Variants in SELENOF observed in about 807,000 individuals in gnomAD.
SELENOF encodes the protein selenoprotein F.
Under a neutral mutation model 20.5 loss-of-function variants are expected in SELENOF, and 16 were observed. The observed-to-expected ratio is 0.78, with a 90% CI of 0.53 to 1.19. SELENOF has a LOEUF of 1.19. Ranked by LOEUF, SELENOF falls within the 50% of genes most tolerant of loss-of-function variation. SELENOF has a pLI of 0.00. For synonymous variants in SELENOF, 78 were observed against 74.5 expected (o/e 1.05, Z -0.24); for missense variants, 215 against 194.2 (o/e 1.11, Z -0.64).
chr1:86,868,132 G>C (rs575459287), intron 3 of SELENOF, 30 bp from the exon 4 acceptor site: 2 of 1,134,572 alleles, frequency 1.8e-6, no homozygotes, highest in Admixed American at 4.5e-5. Flanking sequence ...AGATTCAGTA[G>C]TTCACTTCCA....
At chr1:86,908,085 TGA>T (rs1476753422) in intron 1 of SELENOF, among the ~76,000 whole-genome samples, 3 of 152,120 alleles carry the variant, frequency 2.0e-5, no homozygotes, top group Admixed American at 1.3e-4. Context: ...TCCTTCTAGA[TGA>T]GAGAGTTGGC....
At chr1:86,880,511 C>T in intron 3 of SELENOF, 151 bp downstream of exon 3, 1 of 492,822 alleles carries the variant, frequency 2.0e-6, no homozygotes, top group Non-Finnish European at 3.6e-6. Flanking sequence ...TAACAAACCA[C>T]TTCCATGAAA....
At chr1:86,898,633 G>A (rs1165030241) in intron 2 of SELENOF, among the ~76,000 whole-genome samples, 2 of 145,922 alleles carry the variant, frequency 1.4e-5, no homozygotes, top group East Asian at 4.0e-4. Context: ...CCAGGTTGGA[G>A]TGCAGTGGTG....
At chr1:86,905,169 A>G (rs1570406650) in intron 1 of SELENOF, among the ~76,000 whole-genome samples, 1 of 152,288 alleles carries the variant, frequency 6.6e-6, no homozygotes, top group East Asian at 1.9e-4. Context: ...TACACTCCAT[A>G]TTCTTCACCA....
chr1:86,869,833 G>A (rs955996429), intron 3 of SELENOF, among the ~76,000 whole-genome samples: 1 of 151,898 alleles, frequency 6.6e-6, no homozygotes, highest in Non-Finnish European at 1.5e-5. Flanking sequence ...GGAGTGCAGT[G>A]GCGCAATCTC....
intron 1 of SELENOF, among the ~76,000 whole-genome samples, chr1:86,904,154 T>G (rs1171972472): frequency 6.6e-6 from 1 of 152,176 alleles, no homozygotes. Flanking sequence ...TAAGATTAGC[T>G]GTAGGGTTTA....
intron 3 of SELENOF, among the ~76,000 whole-genome samples, chr1:86,879,228 A>C (rs1375209946): frequency 6.6e-6 from 1 of 152,196 alleles, no homozygotes; most frequent in African/African-American, 2.4e-5. Flanking sequence ...GAATGCTCAC[A>C]CTATCATTCA....
In SELENOF at chr1:86,914,099, C is replaced by T. The variant is rs1398589325; in HGVS notation, c.13G>A (p.Ala5Thr). The T allele has an allele frequency of 1.2e-6, 2 of 1,613,902 alleles. No individual in the cohort carries two copies. Among genetic ancestry groups the T allele is most frequent in the Non-Finnish European group, 8.5e-7 (1 of 1,179,908 alleles). Residue 5 changes from alanine to threonine, a missense_variant, in exon 1 of 5, where the codon GCG (alanine) becomes ACG (threonine). Physicochemically the swap from Ala to Thr is moderately conservative, Grantham distance 58. Transcript: ENST00000331835. ...ACCAGACACCCACTCGGCCCAGCCG[C>T]CATCGCTACCATTTTCCGCAGGTTT... MVAM[A>T]AGPSGCLVPA...
At chr1:86,913,856 G>A in intron 1 of SELENOF, 172 bp downstream of exon 1, 1 of 622,672 alleles carries the variant, frequency 1.6e-6, no homozygotes, top group African/African-American at 1.8e-5. Flanking sequence ...CCCAAGGCGG[G>A]GAAGGAGAAG....
intron 3 of SELENOF, among the ~76,000 whole-genome samples, chr1:86,871,650 T>C (rs1234979778): frequency 6.6e-6 from 1 of 152,196 alleles, no homozygotes; most frequent in Non-Finnish European, 1.5e-5. Context: ...GGCCTCTATT[T>C]TATTACTAAA....
intron 2 of SELENOF, among the ~76,000 whole-genome samples, chr1:86,902,839 A>G (rs1481201978): frequency 6.6e-6 from 1 of 152,110 alleles, no homozygotes; most frequent in African/African-American, 2.4e-5. Flanking sequence ...GTAAACTAAC[A>G]GTCCATATTC....
chr1:86,913,553 G>A (rs1424804358), intron 1 of SELENOF, among the ~76,000 whole-genome samples: 1 of 152,156 alleles, frequency 6.6e-6, no homozygotes, highest in Non-Finnish European at 1.5e-5. Flanking sequence ...AGAGGAGAAC[G>A]GAAGTTAAGA....
intron 2 of SELENOF, among the ~76,000 whole-genome samples, chr1:86,888,497 A>T (rs531430472): frequency 2.6e-5 from 4 of 152,022 alleles, no homozygotes; most frequent in Non-Finnish European, 4.4e-5. Context: ...TTGGTCTCAA[A>T]CTCCTGGACA....
chr1:86,873,559 T>A (rs1160222258), intron 3 of SELENOF, among the ~76,000 whole-genome samples: 6 of 151,780 alleles, frequency 4.0e-5, no homozygotes, highest in Admixed American at 3.3e-4. Flanking sequence ...TATATAATTT[T>A]AAAAAATTAG....
chr1:86,906,531 C>T (rs1035855111), intron 1 of SELENOF, among the ~76,000 whole-genome samples: 1 of 152,148 alleles, frequency 6.6e-6, no homozygotes, highest in Non-Finnish European at 1.5e-5. Flanking sequence ...GAGGGTAGGT[C>T]GTAAAAGAGC....
intron 2 of SELENOF, among the ~76,000 whole-genome samples, chr1:86,882,398 A>C (rs1659100475): frequency 6.6e-6 from 1 of 151,976 alleles, no homozygotes; most frequent in African/African-American, 2.4e-5. Flanking sequence ...ATTACCAATA[A>C]GCTAATGAAG....
intron 2 of SELENOF, among the ~76,000 whole-genome samples, chr1:86,882,492 A>AT (rs1335149097): frequency 6.7e-6 from 1 of 150,100 alleles, no homozygotes; most frequent in African/African-American, 2.5e-5. Context: ...GATAGCTATT[A>AT]TTAAAAAAAA....
intron 1 of SELENOF, among the ~76,000 whole-genome samples, chr1:86,912,359 C>T (rs955915931): frequency 1.1e-4 from 17 of 152,094 alleles, no homozygotes; most frequent in African/African-American, 3.6e-4. Context: ...CTGTGGTACG[C>T]TGTTTAATTA....
intron 2 of SELENOF, among the ~76,000 whole-genome samples, chr1:86,886,565 A>G (rs866778228): frequency 2.6e-5 from 4 of 152,076 alleles, no homozygotes; most frequent in South Asian, 4.1e-4. Flanking sequence ...AAACTAAGAT[A>G]TTTTAAAACC....
Sources: gnomAD v4.1 joint callset for allele counts (sites outside exome capture counted in the v4.1 genomes callset) on GRCh38, gnomAD v4.1.1 for gene constraint, MANE v1.5 for transcripts, NCBI Gene and HGNC (gene_info 2026-07-23, HGNC 2026-07-21) for gene names.